Variants in ATG7 observed in about 807,000 individuals in gnomAD.
The protein encoded by ATG7 is autophagy related 7, also known as ubiquitin-like modifier-activating enzyme ATG7.
In ATG7, 70 loss-of-function variants were observed where a neutral mutation model predicts 82.4. The observed-to-expected ratio is 0.85, with a 90% CI of 0.70 to 1.04. ATG7 has a LOEUF of 1.04. ATG7 is among the 50% of genes least tolerant of loss of function. The probability of loss-of-function intolerance (pLI) is 0.00; values close to 1 mark genes in which losing one functional copy is unlikely to be tolerated. For missense variants in ATG7, 792 were observed against 864.3 expected (o/e 0.92, Z 1.05); for synonymous variants, 287 against 313.0 (o/e 0.92, Z 0.88).
At chr3:11,497,985 G>GATTTTGGGGTTTCATC in intron 20 of ATG7, among the ~76,000 whole-genome samples, 1 of 152,248 alleles carries the variant, frequency 6.6e-6, no homozygotes, top group South Asian at 2.1e-4. Context: ...CTTCTTTGGA[G>GATTTTGGGGTTTCATC]ATTTAATATT....
chr3:11,362,261 T>C (rs2076331620), intron 16 of ATG7, among the ~76,000 whole-genome samples: 1 of 151,724 alleles, frequency 6.6e-6, no homozygotes, highest in Non-Finnish European at 1.5e-5. Context: ...TAGAGCCATG[T>C]TGTAGAAAAA....
intron 5 of ATG7, among the ~76,000 whole-genome samples, chr3:11,302,913 T>G (rs1363175608): frequency 6.6e-6 from 1 of 152,216 alleles, no homozygotes; most frequent in African/African-American, 2.4e-5. Context: ...CCAACTGTCT[T>G]AAACTGGAAT....
intron 19 of ATG7, among the ~76,000 whole-genome samples, chr3:11,404,371 A>G (rs1416963550): frequency 1.3e-5 from 2 of 151,828 alleles, no homozygotes; most frequent in Non-Finnish European, 2.9e-5. Context: ...CCTGACTTCA[A>G]GTGATCTGCC....
At chr3:11,463,316 C>T (rs2086524371) in intron 20 of ATG7, among the ~76,000 whole-genome samples, 1 of 152,140 alleles carries the variant, frequency 6.6e-6, no homozygotes, top group Non-Finnish European at 1.5e-5. Flanking sequence ...GCAGAAGAGG[C>T]CTCCCTTCAA....
At chr3:11,342,858 C>T (rs1953884440) in intron 13 of ATG7, among the ~76,000 whole-genome samples, 1 of 151,134 alleles carries the variant, frequency 6.6e-6, no homozygotes. Flanking sequence ...GGAAAAAAAC[C>T]CTGGACATAG....
In ATG7 at chr3:11,539,201, C is replaced by T. The variant is rs183545671; in HGVS notation, c.2080-15610C>T. On this transcript the variant is annotated intron_variant, in intron 20 of 20. Coordinates refer to ENST00000693202, the MANE Select transcript of ATG7 (RefSeq NM_001349232.2). ...CAGGTGCAGTTCTGAGCACTTTATG[C>T]CCACTAACTCATTTCATGGTCACAA... Among the ~76,000 whole-genome samples the T allele has an allele frequency of 3.4e-4, 51 of 152,178 alleles. 1 individual carries two copies. Among genetic ancestry groups the T allele is most frequent in the Admixed American group, 2.7e-3 (42 of 15,286 alleles).
intron 20 of ATG7, among the ~76,000 whole-genome samples, chr3:11,440,199 A>G (rs531567886): frequency 9.7e-4 from 148 of 152,276 alleles, no homozygotes; most frequent in Non-Finnish European, 1.5e-3. Context: ...TTACTCTTAA[A>G]CTGGCTTCTA....
intron 20 of ATG7, among the ~76,000 whole-genome samples, chr3:11,526,562 G>A (rs1254497080): frequency 1.3e-5 from 2 of 152,172 alleles, no homozygotes; most frequent in Non-Finnish European, 2.9e-5. Context: ...TTGGTGTATA[G>A]CAAAACTATT....
intron 19 of ATG7, among the ~76,000 whole-genome samples, chr3:11,403,471 T>G (rs1302407730): frequency 2.6e-5 from 4 of 152,228 alleles, no homozygotes; most frequent in African/African-American, 9.6e-5. Context: ...GCTTGTCTGA[T>G]TCCTTCTGTT....
At chr3:11,360,500 A>G in intron 15 of ATG7, 81 bp from the exon 16 acceptor site, 1 of 1,407,750 alleles carries the variant, frequency 7.1e-7, no homozygotes, top group East Asian at 2.3e-5. Context: ...AATTTTAAAA[A>G]GTTGAGCAAA....
At chr3:11,298,600 G>C in intron 3 of ATG7, 86 bp from the exon 4 acceptor site, 2 of 1,352,932 alleles carry the variant, frequency 1.5e-6, no homozygotes, top group Non-Finnish European at 2.0e-6. Context: ...TTGTTTGTTT[G>C]AATTAAACTT....
intron 20 of ATG7, among the ~76,000 whole-genome samples, chr3:11,552,755 C>T (rs564505248): frequency 3.1e-4 from 47 of 152,288 alleles, no homozygotes; most frequent in Admixed American, 1.5e-3. Flanking sequence ...TGCCAGCAGC[C>T]GCATCCCCTC....
intron 20 of ATG7, chr3:11,446,439 T>A: frequency 2.5e-6 from 1 of 401,940 alleles, no homozygotes; most frequent in South Asian, 1.9e-5. Context: ...AGGAGACTCC[T>A]TAATTTAGTC....
At chr3:11,385,602 G>A (rs941504789) in intron 19 of ATG7, among the ~76,000 whole-genome samples, 2 of 152,180 alleles carry the variant, frequency 1.3e-5, no homozygotes, top group Admixed American at 6.5e-5. Flanking sequence ...GTTGTGAAAT[G>A]CCCTACAGCA....
chr3:11,332,193 A>G (rs1951751368), intron 10 of ATG7, among the ~76,000 whole-genome samples: 1 of 138 alleles, frequency 7.2e-3, no homozygotes, highest in Non-Finnish European at 0.013. Flanking sequence ...GAAATGTCAT[A>G]TACAATGAAT....
chr3:11,405,683 A>C (rs1370806213), intron 19 of ATG7, among the ~76,000 whole-genome samples: 1 of 151,832 alleles, frequency 6.6e-6, no homozygotes, highest in African/African-American at 2.4e-5. Context: ...GCTGGAGTGC[A>C]GTGTTGTGAT....
At chr3:11,379,565 T>G (rs1055096949) in intron 18 of ATG7, among the ~76,000 whole-genome samples, 1 of 152,214 alleles carries the variant, frequency 6.6e-6, no homozygotes, top group African/African-American at 2.4e-5. Flanking sequence ...CCCAAAATCA[T>G]GTCATAGAAA....
intron 20 of ATG7, among the ~76,000 whole-genome samples, chr3:11,518,326 C>A (rs2077699228): frequency 6.6e-6 from 1 of 152,154 alleles, no homozygotes; most frequent in African/African-American, 2.4e-5. Flanking sequence ...GTGGGTGGAT[C>A]ACAAGGTCAA....
chr3:11,277,891 A>AAC (rs1942170487), intron 1 of ATG7, among the ~76,000 whole-genome samples: 13 of 60,768 alleles, frequency 2.1e-4, no homozygotes, highest in African/African-American at 2.7e-4. Context: ...CCCTTTATAG[A>AAC]CCCCCCCCCC....
Sources: gnomAD v4.1 joint callset for allele counts (sites outside exome capture counted in the v4.1 genomes callset) on GRCh38, gnomAD v4.1.1 for gene constraint, MANE v1.5 for transcripts, NCBI Gene and HGNC (gene_info 2026-07-23, HGNC 2026-07-21) for gene names.